The following GRAMD1B variants were observed in gnomAD, a reference collection of about 807,000 sequenced individuals.
GRAMD1B encodes protein Aster-B.
A neutral mutation model predicts 99.7 loss-of-function variants in GRAMD1B; 37 were observed. The observed-to-expected ratio is 0.37, with a 90% CI of 0.29 to 0.49. GRAMD1B has a LOEUF of 0.49. GRAMD1B is among the 20% of genes least tolerant of loss of function. The pLI, the probability that GRAMD1B is intolerant of heterozygous loss-of-function variation, is 0.98. For missense variants in GRAMD1B, 888 were observed against 1,009.2 expected (o/e 0.88, Z 1.63); for synonymous variants, 427 against 387.6 (o/e 1.10, Z -1.19).
chr11:123,448,455 A>G (rs1237178540), intron 1 of GRAMD1B, among the ~76,000 whole-genome samples: 2 of 152,146 alleles, frequency 1.3e-5, no homozygotes, highest in Non-Finnish European at 2.9e-5. Context: ...CTTGGTCTCA[A>G]GCAATTCGCC....
chr11:123,444,179 A>G (rs555965735), intron 1 of GRAMD1B, among the ~76,000 whole-genome samples: 130 of 152,360 alleles, frequency 8.5e-4, no homozygotes, highest in Admixed American at 1.1e-3. Flanking sequence ...AATTTTCCCC[A>G]CAAAAGATGG....
intron 3 of GRAMD1B, 35 bp from the exon 4 acceptor site, chr11:123,584,277 C>T (rs1234321174): frequency 2.2e-6 from 2 of 919,160 alleles, no homozygotes; most frequent in Middle Eastern, 2.6e-4. Flanking sequence ...TCTTCCCTGA[C>T]TAATTCTACC....
intron 2 of GRAMD1B, among the ~76,000 whole-genome samples, chr11:123,523,506 A>C (rs528190265): frequency 1.3e-5 from 2 of 151,066 alleles, no homozygotes; most frequent in South Asian, 4.2e-4. Flanking sequence ...TTAATAGCTG[A>C]GAAGGAGTTG....
At chr11:123,361,999 A>G (rs1946162214) in intron 1 of GRAMD1B, among the ~76,000 whole-genome samples, 1 of 152,360 alleles carries the variant, frequency 6.6e-6, no homozygotes, top group Admixed American at 6.5e-5. Context: ...ACCACTTGGC[A>G]GCAGCCTCAT....
intron 1 of GRAMD1B, among the ~76,000 whole-genome samples, chr11:123,478,546 A>G (rs564339272): frequency 8.5e-5 from 13 of 152,098 alleles, no homozygotes; most frequent in Non-Finnish European, 1.3e-4. Context: ...GAGGCTCCTT[A>G]TTGGTTTTCC....
chr11:123,454,636 T>G (rs1950031098), intron 1 of GRAMD1B: 1 of 152,214 alleles, frequency 6.6e-6, no homozygotes, highest in African/African-American at 2.4e-5. Flanking sequence ...CATGAAACTT[T>G]GATGTCAGCT....
intron 1 of GRAMD1B, among the ~76,000 whole-genome samples, chr11:123,444,721 G>A (rs1224437360): frequency 1.3e-5 from 2 of 152,026 alleles, no homozygotes; most frequent in African/African-American, 4.8e-5. Flanking sequence ...TGGATCTCCC[G>A]TGTTCACCCT....
intron 2 of GRAMD1B, among the ~76,000 whole-genome samples, chr11:123,570,178 C>T (rs1169845840): frequency 6.6e-6 from 1 of 152,134 alleles, no homozygotes; most frequent in African/African-American, 2.4e-5. Context: ...GCTTCAGAAT[C>T]AGCCGTGATA....
Position 123,591,516 on chromosome 11 carries a change from G to A in GRAMD1B, c.685-2566G>A. 1 of 398,990 alleles carries A rather than the reference G, an allele frequency of 2.5e-6. No homozygotes were observed. The highest frequency in any genetic ancestry group is 4.4e-6 in the Non-Finnish European group (1 of 226,072). 24.7% of individuals were successfully genotyped at this position (398,990 alleles called of 1,614,324 possible). A position where few individuals can be genotyped will look rare whatever the true frequency, so the allele number is the denominator to read the frequency against. ...CCTGCTGCCGCTGAACACCGTTGCTGGCACGGATCTGAGGAAATCCCAGCC... is the reference window on the plus strand; with the variant it reads ...CCTGCTGCCGCTGAACACCGTTGCTAGCACGGATCTGAGGAAATCCCAGCC... On this transcript the variant is annotated intron_variant, in intron 4 of 19. Transcript: ENST00000635736. The surrounding 1 kb of genome is among the most constrained non-coding windows in gnomAD (Gnocchi z 4.7).
intron 7 of GRAMD1B, among the ~76,000 whole-genome samples, chr11:123,596,669 G>A (rs150425717): frequency 6.6e-6 from 1 of 152,350 alleles, no homozygotes; most frequent in East Asian, 1.9e-4. Context: ...AGGAGGCTTT[G>A]GGGTCAGATA....
chr11:123,376,681 A>G (rs1479330175), intron 1 of GRAMD1B, among the ~76,000 whole-genome samples: 2 of 152,198 alleles, frequency 1.3e-5, no homozygotes, highest in African/African-American at 4.8e-5. Context: ...AAATATGGGC[A>G]TGATTCCTTT....
At chr11:123,427,329 T>C (rs1159453384), upstream of GRAMD1B, among the ~76,000 whole-genome samples, 1 of 152,252 alleles carries the variant, frequency 6.6e-6, no homozygotes, top group Non-Finnish European at 1.5e-5. Context: ...TCATCATTTA[T>C]CTGTGACCTT....
intron 1 of GRAMD1B, among the ~76,000 whole-genome samples, chr11:123,385,393 C>T (rs766740608): frequency 1.3e-5 from 2 of 152,176 alleles, no homozygotes; most frequent in African/African-American, 2.4e-5. Flanking sequence ...CTCTCAAACC[C>T]GTCATTAGTT....
intron 2 of GRAMD1B, among the ~76,000 whole-genome samples, chr11:123,573,220 C>A (rs1948355921): frequency 6.6e-6 from 1 of 152,142 alleles, no homozygotes; most frequent in Non-Finnish European, 1.5e-5. Flanking sequence ...GGAAATGTAG[C>A]CAGTGTTGGG....
In GRAMD1B at chr11:123,625,020, A is replaced by T. The variant is rs560688762; in HGVS notation, c.*2425A>T. 6 of 152,294 alleles carry T rather than the reference A, an allele frequency of 3.9e-5. No homozygotes were observed. In the East Asian group the frequency reaches 1.2e-3, roughly 29 times the overall value. The allele number at this position is 152,294 out of a possible 1,614,324, so 9.4% of individuals were successfully genotyped here. A position where few individuals can be genotyped will look rare whatever the true frequency, so the allele number is the denominator to read the frequency against. On this transcript the variant is annotated 3_prime_UTR_variant, in exon 20 of 20. Transcript: ENST00000635736. ...AGGGAATGTCCTTTAAGAATCATGG[A>T]TCTCTTGTAGGCTCTCTGTGTTCCA...
upstream of GRAMD1B, among the ~76,000 whole-genome samples, chr11:123,428,113 T>C (rs1237747171): frequency 6.6e-6 from 1 of 152,236 alleles, no homozygotes; most frequent in Non-Finnish European, 1.5e-5. Flanking sequence ...GGTGGTGTCC[T>C]GGCTTCCTTT....
intron 1 of GRAMD1B, among the ~76,000 whole-genome samples, chr11:123,457,594 G>C (rs182312787): frequency 1.3e-5 from 2 of 152,336 alleles, no homozygotes; most frequent in Admixed American, 1.3e-4. Context: ...TCAGAACAAT[G>C]GGGCAACTTG....
At chr11:123,514,637 A>G (rs1196729949) in intron 2 of GRAMD1B, among the ~76,000 whole-genome samples, 3 of 152,218 alleles carry the variant, frequency 2.0e-5, no homozygotes, top group Non-Finnish European at 4.4e-5. Flanking sequence ...GACAAGAGGC[A>G]AATGTGAAAA....
chr11:123,397,696 A>G (rs1947515123), intron 1 of GRAMD1B, among the ~76,000 whole-genome samples: 2 of 152,076 alleles, frequency 1.3e-5, no homozygotes, highest in South Asian at 4.1e-4. Context: ...TTTTGTAGAG[A>G]CAGAGTCTTG....
Sources: gnomAD v4.1 joint callset for allele counts (sites outside exome capture counted in the v4.1 genomes callset) on GRCh38, gnomAD v4.1.1 for gene constraint, Gnocchi (gnomAD v3.1) non-coding constraint, MANE v1.5 for transcripts, NCBI Gene and HGNC (gene_info 2026-07-23, HGNC 2026-07-21) for gene names.